Variants in MSRB3 observed in about 807,000 individuals in gnomAD.
MSRB3 encodes methionine-R-sulfoxide reductase B3.
In MSRB3, 13 loss-of-function variants were observed where a neutral mutation model predicts 21.0. That is an observed-to-expected ratio of 0.62 (90% CI 0.40 to 0.98). The LOEUF (loss-of-function observed/expected upper bound fraction) is 0.98, where lower values mean the gene tolerates loss of function less well. Ranked by LOEUF, MSRB3 falls within the 50% of genes least tolerant of loss-of-function variation. The pLI is 0.00. For synonymous variants in MSRB3, 87 were observed against 88.6 expected (o/e 0.98, Z 0.10); for missense variants, 199 against 230.3 (o/e 0.86, Z 0.88).
At chr12:65,324,804 A>G (rs1175062249) in intron 2 of MSRB3, among the ~76,000 whole-genome samples, 1 of 152,244 alleles carries the variant, frequency 6.6e-6, no homozygotes, top group Non-Finnish European at 1.5e-5. Context: ...ATACCATGTA[A>G]TTTAAACCTG....
At chr12:65,321,855 G>A (rs1413526616) in intron 2 of MSRB3, among the ~76,000 whole-genome samples, 2 of 152,072 alleles carry the variant, frequency 1.3e-5, no homozygotes, top group East Asian at 1.9e-4. Flanking sequence ...TTTAAATATA[G>A]CAGCAAGGTA....
intron 5 of MSRB3, among the ~76,000 whole-genome samples, chr12:65,373,407 T>C (rs1878428097): frequency 6.6e-6 from 1 of 152,188 alleles, no homozygotes; most frequent in Non-Finnish European, 1.5e-5. Context: ...AAGGACAGCT[T>C]GTACCGTAAT....
At chr12:65,327,906 A>G (rs1875157204) in intron 3 of MSRB3, among the ~76,000 whole-genome samples, 1 of 152,228 alleles carries the variant, frequency 6.6e-6, no homozygotes, top group Non-Finnish European at 1.5e-5. Flanking sequence ...TTTAATGCAC[A>G]CAAACAACCA....
Position 65,361,116 on chromosome 12 carries a change from G to A in MSRB3, c.264-7882G>A, listed in dbSNP as rs771019211. On this transcript the variant is annotated intron_variant, in intron 4 of 6. Transcript: ENST00000308259. The stretch of plus-strand genomic sequence containing the variant: ...AGCTTTACTAGTACTTGTACCACAA[G>A]TATGATATTACTAATTGTACTTGTG... Among the ~76,000 whole-genome samples, 11 of 151,898 alleles carry A rather than the reference G, an allele frequency of 7.2e-5. No homozygotes were observed. The East Asian group carries it at 1.7e-3, about 24-fold the overall frequency.
chr12:65,336,448 A>T (rs977788640), intron 4 of MSRB3, among the ~76,000 whole-genome samples: 2 of 152,224 alleles, frequency 1.3e-5, no homozygotes, highest in African/African-American at 4.8e-5. Context: ...TTGTGTGTGT[A>T]TGTGTATTAT....
In MSRB3 at chr12:65,368,928, C is replaced by A. The variant is rs1057133746; in HGVS notation, c.264-70C>A. ...TTACCTCCCCTCCCAACCACACCCC[C>A]CCCCCCCATGAAATAATTGTTCTTT... On this transcript the variant is annotated intron_variant, in intron 4 of 6. Coordinates refer to ENST00000308259, the MANE Select transcript of MSRB3 (RefSeq NM_001031679.3). 73 of 590,678 alleles carry A rather than the reference C, an allele frequency of 1.2e-4. 3 individuals are homozygous for A. The highest frequency in any genetic ancestry group is 2.0e-4 in the Non-Finnish European group (64 of 324,898). The allele number at this position is 590,678 out of a possible 1,614,324, so 36.6% of individuals were successfully genotyped here.
chr12:65,338,853 T>G (rs1875953619), intron 4 of MSRB3, among the ~76,000 whole-genome samples: 1 of 152,096 alleles, frequency 6.6e-6, no homozygotes, highest in South Asian at 2.1e-4. Context: ...GGTAGGCAGA[T>G]TGCCTGAGCT....
At chr12:65,317,520 C>T (rs1280883919) in intron 2 of MSRB3, among the ~76,000 whole-genome samples, 1 of 152,160 alleles carries the variant, frequency 6.6e-6, no homozygotes, top group Non-Finnish European at 1.5e-5. Flanking sequence ...GACAGTGGAA[C>T]CTTTCCCTTC....
intron 5 of MSRB3, among the ~76,000 whole-genome samples, chr12:65,451,323 A>G (rs1047718155): frequency 9.2e-5 from 14 of 152,110 alleles, no homozygotes; most frequent in African/African-American, 3.1e-4. Context: ...TAAACAACAA[A>G]CTATTCAAGC....
At chr12:65,336,096 A>G (rs945054598) in intron 4 of MSRB3, among the ~76,000 whole-genome samples, 1 of 152,200 alleles carries the variant, frequency 6.6e-6, no homozygotes, top group Non-Finnish European at 1.5e-5. Flanking sequence ...ACAATGATTT[A>G]TAGGAAAAGT....
chr12:65,387,214 C>A (rs1028358769), intron 5 of MSRB3, among the ~76,000 whole-genome samples: 2 of 151,846 alleles, frequency 1.3e-5, no homozygotes, highest in African/African-American at 2.4e-5. Context: ...AAAATCAATG[C>A]AAATAATGGC....
chr12:65,433,510 A>G (rs1236146980), intron 5 of MSRB3, among the ~76,000 whole-genome samples: 1 of 151,774 alleles, frequency 6.6e-6, no homozygotes, highest in African/African-American at 2.4e-5. Flanking sequence ...AGTACCTCAC[A>G]CCATCATGCA....
At chr12:65,332,355 G>A (rs148324718) in intron 4 of MSRB3, among the ~76,000 whole-genome samples, 1 of 151,894 alleles carries the variant, frequency 6.6e-6, no homozygotes, top group Non-Finnish European at 1.5e-5. Context: ...AAGGAGTGAG[G>A]GTAGAAAACT....
chr12:65,293,804 G>A (rs1312078450), intron 1 of MSRB3, among the ~76,000 whole-genome samples: 1 of 152,178 alleles, frequency 6.6e-6, no homozygotes, highest in Non-Finnish European at 1.5e-5. Context: ...TAAATAGAGT[G>A]AGGAATAAAT....
chr12:65,382,661 T>C (rs949872201), intron 5 of MSRB3, among the ~76,000 whole-genome samples: 1 of 152,006 alleles, frequency 6.6e-6, no homozygotes, highest in Non-Finnish European at 1.5e-5. Context: ...AATATTGTGA[T>C]GATATGTGGC....
intron 2 of MSRB3, among the ~76,000 whole-genome samples, chr12:65,325,419 G>T (rs1874953660): frequency 6.6e-6 from 1 of 152,074 alleles, no homozygotes. Context: ...CAACCTGCAG[G>T]CCCACTCCAA....
chr12:65,292,144 A>T (rs369923869), intron 1 of MSRB3, among the ~76,000 whole-genome samples: 1 of 152,184 alleles, frequency 6.6e-6, no homozygotes, highest in Non-Finnish European at 1.5e-5. Flanking sequence ...TGTTCATATC[A>T]TTGAGCCCAG....
intron 4 of MSRB3, among the ~76,000 whole-genome samples, chr12:65,358,750 T>A (rs1877534081): frequency 6.6e-6 from 1 of 152,028 alleles, no homozygotes; most frequent in Non-Finnish European, 1.5e-5. Context: ...CTGTAGTTCA[T>A]TCTCCACATA....
chr12:65,307,062 A>G, intron 1 of MSRB3: 1 of 984,114 alleles, frequency 1.0e-6, no homozygotes, highest in Non-Finnish European at 1.2e-6. Context: ...TATTCCTCAC[A>G]GAGAAGGGTC....
Sources: allele counts gnomAD v4.1 joint callset (sites outside exome capture counted in the v4.1 genomes callset), GRCh38; gene constraint gnomAD v4.1.1; transcripts MANE v1.5; gene names NCBI Gene and HGNC (gene_info 2026-07-23, HGNC 2026-07-21).